The following ATP8B1 variants were observed in gnomAD, a reference collection of about 807,000 sequenced individuals.
The protein encoded by ATP8B1 is ATPase phospholipid transporting 8B1.
ATP8B1 carries 80 observed loss-of-function variants against 149.9 expected under a neutral mutation model. That is an observed-to-expected ratio of 0.53 (90% CI 0.45 to 0.64). The LOEUF is 0.64. Ranked by LOEUF, ATP8B1 falls within the 30% of genes least tolerant of loss-of-function variation. The pLI is 0.00. For synonymous variants in ATP8B1, 536 were observed against 562.8 expected (o/e 0.95, Z 0.67); for missense variants, 1,247 against 1,552.6 (o/e 0.80, Z 3.31).
At position 57,648,144 on chromosome 18, in the gene ATP8B1, G is replaced by A. The variant is rs566779869; in HGVS notation, c.*344C>T. ...TGGGATTACGGGTGCCCACCACCAA[G>A]CCCGGCTAATTTTTAATTTATGGTA... On this transcript the variant is annotated 3_prime_UTR_variant, in exon 28 of 28. Coordinates refer to ENST00000648908, the MANE Select transcript of ATP8B1 (RefSeq NM_001374385.1). The A allele has an allele frequency of 9.6e-5, 38 of 395,320 alleles. No individual in the cohort carries two copies. Among genetic ancestry groups the A allele is most frequent in the African/African-American group, 7.6e-4 (37 of 48,548 alleles). 24.5% of individuals were successfully genotyped at this position (395,320 alleles called of 1,614,324 possible). A position where few individuals can be genotyped will look rare whatever the true frequency, so the allele number is the denominator to read the frequency against.
intron 2 of ATP8B1, among the ~76,000 whole-genome samples, chr18:57,728,007 A>G (rs2079725726): frequency 6.6e-6 from 1 of 152,198 alleles, no homozygotes; most frequent in South Asian, 2.1e-4. Context: ...TCCATGGCAC[A>G]TTCTAACAGC....
chr18:57,738,256 T>C (rs1011371001), intron 1 of ATP8B1, among the ~76,000 whole-genome samples: 3 of 152,222 alleles, frequency 2.0e-5, no homozygotes, highest in Non-Finnish European at 4.4e-5. Flanking sequence ...TGCAGAGTAC[T>C]ACACTAGGCA....
intron 1 of ATP8B1, among the ~76,000 whole-genome samples, chr18:57,799,594 AGTTACTCGGGAG>A (rs1156261837): frequency 1.3e-5 from 2 of 151,736 alleles, no homozygotes; most frequent in Non-Finnish European, 2.9e-5. Flanking sequence ...CTGTGATCTC[AGTTACTCGGGAG>A]GCTGAGACAC....
Position 57,687,773 on chromosome 18 carries a change from A to ATT in ATP8B1, c.1429+524_1429+525dup, listed in dbSNP as rs11342488. On this transcript the variant is annotated intron_variant, in intron 13 of 27. Coordinates refer to ENST00000648908, the MANE Select transcript of ATP8B1 (RefSeq NM_001374385.1). Reference sequence around the variant, plus strand: ...AGATCATATAGTAATGAGACTTCTAATTTTTTTTTTTTTTTTTTTTTTTTT... The same window carrying ATT: ...AGATCATATAGTAATGAGACTTCTAATTTTTTTTTTTTTTTTTTTTTTTTTTT... 7.4e-3 allele frequency among the ~76,000 whole-genome samples: 708 copies of ATT among 95,252 alleles called. 50 individuals are homozygous for ATT. The highest frequency in any genetic ancestry group is 0.014 in the Middle Eastern group (2 of 148). The allele number at this position is 95,252 out of a possible 152,430, so 62.5% of individuals were successfully genotyped here.
At chr18:57,783,839 A>G (rs2080380648) in intron 1 of ATP8B1, among the ~76,000 whole-genome samples, 1 of 152,204 alleles carries the variant, frequency 6.6e-6, no homozygotes, top group South Asian at 2.1e-4. Flanking sequence ...CGTCTTAAAA[A>G]AAAAATAAAA....
At position 57,648,624 on chromosome 18, in the gene ATP8B1, G is replaced by C; in HGVS notation, c.3620C>G (p.Ser1207Trp). 6.2e-7 allele frequency: 1 copy of C among 1,607,170 alleles called. No individual in the cohort carries two copies. Among genetic ancestry groups the C allele is most frequent in the Non-Finnish European group, 8.5e-7 (1 of 1,177,948 alleles). ...VFRRGVSTRRSAYAFSHQRGY... is the reference protein window; with the variant it reads ...VFRRGVSTRRWAYAFSHQRGY... Reference sequence around the variant, plus strand: ...CCGCTGGTGCGAGAAGGCGTAGGCCGAGCGCCGCGTTGACACGCCCCGGCG... The same window carrying C: ...CCGCTGGTGCGAGAAGGCGTAGGCCCAGCGCCGCGTTGACACGCCCCGGCG... The change falls in exon 28 of 28, where the codon TCG becomes TGG. Residue 1207 changes from serine to tryptophan, a missense_variant. Transcript: ENST00000648908.
chr18:57,770,712 C>A (rs1194879115), intron 1 of ATP8B1, among the ~76,000 whole-genome samples: 2 of 152,240 alleles, frequency 1.3e-5, no homozygotes, highest in Admixed American at 6.5e-5. Context: ...GACAGGTATA[C>A]TGGGGCTTGC....
chr18:57,667,281 A>G lies in ATP8B1; in HGVS notation c.2210-114T>C, dbSNP rs9964678. 284,242 of 820,658 alleles carry G rather than the reference A, an allele frequency of 0.35. 53,738 individuals are homozygous for G. Among genetic ancestry groups the G allele is most frequent in the Non-Finnish European group, 0.39 (193,514 of 502,588 alleles). 50.8% of individuals were successfully genotyped at this position (820,658 alleles called of 1,614,324 possible). On this transcript the variant is annotated intron_variant, in intron 19 of 27. Coordinates refer to ENST00000648908, the MANE Select transcript of ATP8B1 (RefSeq NM_001374385.1). ...TGCCTAGGCTGGAGTGCAGTGGCACAATCTCTGCTCACTACAGCCTCAACC... is the reference window on the plus strand; with the variant it reads ...TGCCTAGGCTGGAGTGCAGTGGCACGATCTCTGCTCACTACAGCCTCAACC...
At chr18:57,677,746 A>G (rs931991601) in intron 15 of ATP8B1, among the ~76,000 whole-genome samples, 10 of 152,232 alleles carry the variant, frequency 6.6e-5, no homozygotes, top group African/African-American at 2.2e-4. Flanking sequence ...CTAGAGGGCA[A>G]ACTATTTAAC....
intron 3 of ATP8B1, among the ~76,000 whole-genome samples, chr18:57,706,233 T>G (rs7245378): frequency 0.013 from 2,003 of 152,244 alleles, 45 homozygotes; most frequent in African/African-American, 0.046. Context: ...TCATAAAACA[T>G]TTCTAAGAGA....
chr18:57,732,813 T>G (rs567927675), intron 1 of ATP8B1, among the ~76,000 whole-genome samples: 2 of 142,214 alleles, frequency 1.4e-5, no homozygotes, highest in South Asian at 2.4e-4. Flanking sequence ...TCCACCCGCC[T>G]CGGCTTCCCA....
intron 15 of ATP8B1, among the ~76,000 whole-genome samples, chr18:57,676,409 TA>T (rs35902795): frequency 3.1e-4 from 45 of 143,226 alleles, no homozygotes; most frequent in Admixed American, 2.8e-4. Flanking sequence ...TTCTCCTTAT[TA>T]AAAAAAAAAA....
At chr18:57,766,042 T>C (rs2080208784) in intron 1 of ATP8B1, among the ~76,000 whole-genome samples, 2 of 151,710 alleles carry the variant, frequency 1.3e-5, no homozygotes, top group Admixed American at 1.3e-4. Context: ...AATTTTTTTT[T>C]CTTTTCTTTT....
At chr18:57,756,199 AT>A in intron 1 of ATP8B1, among the ~76,000 whole-genome samples, 1 of 70,432 alleles carries the variant, frequency 1.4e-5, no homozygotes, top group East Asian at 2.5e-4. Context: ...CAACATATAT[AT>A]ATATATATAT....
At chr18:57,743,340 C>T (rs1568050261) in intron 1 of ATP8B1, among the ~76,000 whole-genome samples, 1 of 152,100 alleles carries the variant, frequency 6.6e-6, no homozygotes, top group Non-Finnish European at 1.5e-5. Flanking sequence ...TCACCTACTT[C>T]CCTCCCTTCC....
At chr18:57,696,130 C>T (rs1912795987) in intron 8 of ATP8B1, among the ~76,000 whole-genome samples, 2 of 152,166 alleles carry the variant, frequency 1.3e-5, no homozygotes, top group South Asian at 2.1e-4. Context: ...ATAGGATTCA[C>T]GAATACTCAG....
chr18:57,650,477 TCA>T lies in ATP8B1; in HGVS notation c.3419_3420del (p.Leu1140GlnfsTer36). 6.2e-7 allele frequency: 1 copy of T among 1,613,784 alleles called. No homozygotes were observed. Among genetic ancestry groups the T allele is most frequent in the Non-Finnish European group, 8.5e-7 (1 of 1,179,766 alleles). On this transcript the variant is annotated frameshift_variant, in exon 27 of 28. Transcript: ENST00000648908. LOFTEE classifies it high-confidence loss of function. ...FQFTGTASNA[L>X]RQPYIWLTII... ...ATAGTTAACCAAATGTATGGCTGTCTCAGAGCGTTTGAAGCTGTGCCTGTAAA... is the reference window on the plus strand; with the variant it reads ...ATAGTTAACCAAATGTATGGCTGTCTGAGCGTTTGAAGCTGTGCCTGTAAA...
At chr18:57,669,771 T>G (rs1911119083) in intron 17 of ATP8B1, among the ~76,000 whole-genome samples, 1 of 152,036 alleles carries the variant, frequency 6.6e-6, no homozygotes, top group Admixed American at 6.6e-5. Context: ...CACCTCAGCC[T>G]CCCAAGTAGC....
rs147656706 is a variant in ATP8B1, at chr18:57,764,180, G to A, written c.-25-32348C>T. 3.9e-3 allele frequency among the ~76,000 whole-genome samples: 600 copies of A among 152,292 alleles called. 3 individuals carry two copies. Among genetic ancestry groups the A allele is most frequent in the Non-Finnish European group, 7.1e-3 (485 of 68,018 alleles). On this transcript the variant is annotated intron_variant, in intron 1 of 27. Transcript: ENST00000648908. ...ATCTGGCATGGACAGATGAACGAAC[G>A]ACGGACATGATGTGGCTTTGGTCAC...
Sources: gnomAD v4.1 joint callset for allele counts (sites outside exome capture counted in the v4.1 genomes callset) on GRCh38, gnomAD v4.1.1 for gene constraint, MANE v1.5 for transcripts, NCBI Gene and HGNC (gene_info 2026-07-23, HGNC 2026-07-21) for gene names.